MON2: variants seen among roughly 807,000 people sequenced by gnomAD.
MON2 encodes protein MON2 homolog.
MON2 carries 84 observed loss-of-function variants against 208.6 expected under a neutral mutation model. The observed-to-expected ratio is 0.40, with a 90% CI of 0.34 to 0.48. The LOEUF (loss-of-function observed/expected upper bound fraction) is 0.48, where lower values mean the gene tolerates loss of function less well. Ranked by LOEUF, MON2 falls within the 20% of genes least tolerant of loss-of-function variation. The pLI, the probability that MON2 is intolerant of heterozygous loss-of-function variation, is 0.59. For missense variants in MON2, 1,611 were observed against 2,015.4 expected, an observed-to-expected ratio of 0.80 and a Z score of 3.84; for synonymous variants, 660 against 694.0, an observed-to-expected ratio of 0.95 and a Z score of 0.77.
rs1415097237 is a variant in MON2, at chr12:62,504,217, G to A, written c.789+2519G>A. ...ACTTCATAGGAAAAGATTTGAAACCGTTTTTACAGATTTTTTTCTTTTCTT... is the reference window on the plus strand; with the variant it reads ...ACTTCATAGGAAAAGATTTGAAACCATTTTTACAGATTTTTTTCTTTTCTT... On this transcript the variant is annotated intron_variant, in intron 7 of 34. Coordinates refer to ENST00000393630, the MANE Select transcript of MON2 (RefSeq NM_015026.3). 1.2e-4 allele frequency among the ~76,000 whole-genome samples: 18 copies of A among 145,174 alleles called. No homozygotes were observed. In the Admixed American group the frequency reaches 1.2e-3, roughly 10 times the overall value.
Position 62,498,972 on chromosome 12 carries a change from T to C in MON2, c.489T>C (p.Asn163=). 1.2e-6 allele frequency: 2 copies of C among 1,612,318 alleles called. No homozygotes were observed. Among genetic ancestry groups the C allele is most frequent in the Non-Finnish European group, 8.5e-7 (1 of 1,179,286 alleles). ...LHFTKDNITN[N]TAAATVRQVV... is the part of the protein sequence containing the mutation. ...TCACAAAAGATAATATTACAAATAATACAGCTGCTGCTACAGTGCGACAAG... is the reference window on the plus strand; with the variant it reads ...TCACAAAAGATAATATTACAAATAACACAGCTGCTGCTACAGTGCGACAAG... Residue 163 remains asparagine, a synonymous_variant, in exon 5 of 35, where the codon AAT becomes AAC. Transcript: ENST00000393630.
At chr12:62,472,649 C>T (rs1056030752) in intron 1 of MON2, among the ~76,000 whole-genome samples, 1 of 152,178 alleles carries the variant, frequency 6.6e-6, no homozygotes, top group Non-Finnish European at 1.5e-5. Flanking sequence ...CTTACTGTGA[C>T]AGGATTTGCC....
intron 32 of MON2, among the ~76,000 whole-genome samples, chr12:62,583,928 C>A (rs2075097394): frequency 6.8e-6 from 1 of 148,146 alleles, no homozygotes; most frequent in Non-Finnish European, 1.5e-5. Flanking sequence ...CCACTGCACT[C>A]CAGCCTGGGT....
At chr12:62,559,859 G>A (rs1449266234) in intron 25 of MON2, 1 of 151,876 alleles carries the variant, frequency 6.6e-6, no homozygotes, top group African/African-American at 2.4e-5. Flanking sequence ...TTATGAATGT[G>A]ACATAGTTTA....
At chr12:62,496,436 G>T (rs75268834) in intron 4 of MON2, among the ~76,000 whole-genome samples, 14 of 151,938 alleles carry the variant, frequency 9.2e-5, no homozygotes, top group Non-Finnish European at 1.6e-4. Flanking sequence ...TAATATGAAG[G>T]CTTCTATATA....
intron 8 of MON2, among the ~76,000 whole-genome samples, chr12:62,513,537 TTTCTA>T (rs2071524093): frequency 6.6e-6 from 1 of 152,218 alleles, no homozygotes; most frequent in South Asian, 2.1e-4. Flanking sequence ...GGGATTTTCT[TTTCTA>T]TTGCATTGTC....
intron 2 of MON2, among the ~76,000 whole-genome samples, chr12:62,485,499 C>T (rs902460711): frequency 2.6e-5 from 4 of 152,174 alleles, no homozygotes; most frequent in East Asian, 3.9e-4. Flanking sequence ...TTAGCATAAG[C>T]GCTCCTCAAT....
intron 1 of MON2, among the ~76,000 whole-genome samples, chr12:62,474,672 C>T (rs2068974050): frequency 6.6e-6 from 1 of 152,196 alleles, no homozygotes; most frequent in Non-Finnish European, 1.5e-5. Flanking sequence ...TATCTGCCCG[C>T]CTCGGCCTCT....
rs749539567 is a variant in MON2 at position 62,588,093 on chromosome 12, A to G, written c.4927A>G (p.Ile1643Val). The G allele has an allele frequency of 6.4e-7, 1 of 1,574,540 alleles. No individual in the cohort carries two copies. The highest frequency in any genetic ancestry group is 8.7e-7 in the Non-Finnish European group (1 of 1,146,380). ...PLPRQQVTEI[I>V]FVLKAVSTLI... ...TTTCAGGCAACAAGTAACAGAAATT[A>G]TATTTGTTTTAAAAGCAGTCAGTAC... The change falls in exon 34 of 35, where the codon ATA (isoleucine) becomes GTA (valine). Residue 1643 changes from isoleucine (I) to valine (V), a missense_variant. Physicochemically the swap from Ile to Val is conservative, Grantham distance 29. Coordinates refer to ENST00000393630, the MANE Select transcript of MON2 (RefSeq NM_015026.3).
rs536263747 is a variant in MON2, at chr12:62,594,362, G to T, written c.*1613G>T. On this transcript the variant is annotated 3_prime_UTR_variant, in exon 35 of 35. Coordinates refer to ENST00000393630, the MANE Select transcript of MON2 (RefSeq NM_015026.3). ...TAAAATGTAGTAAGGTCTTTGAGGGGATATTTTTTATTTACATGAATTACT... is the reference window on the plus strand; with the variant it reads ...TAAAATGTAGTAAGGTCTTTGAGGGTATATTTTTTATTTACATGAATTACT... The T allele has an allele frequency of 3.3e-5, 5 of 152,122 alleles. No individual in the cohort carries two copies. The East Asian group carries it at 9.6e-4, about 29-fold the overall frequency. The allele number at this position is 152,122 out of a possible 1,614,324, so 9.4% of individuals were successfully genotyped here. A position where few individuals can be genotyped will look rare whatever the true frequency, so the allele number is the denominator to read the frequency against.
At chr12:62,587,413 G>C in intron 33 of MON2, among the ~76,000 whole-genome samples, 1 of 151,742 alleles carries the variant, frequency 6.6e-6, no homozygotes, top group South Asian at 2.1e-4. Context: ...AGTTTTAAAA[G>C]CATGTATTAT....
At chr12:62,508,604 A>G (rs1361540553) in intron 8 of MON2, 124 bp downstream of exon 8, 2 of 747,084 alleles carry the variant, frequency 2.7e-6, no homozygotes, top group African/African-American at 1.7e-5. Flanking sequence ...TTGAGTACCT[A>G]CGTGTAGTCT....
chr12:62,476,954 G>A (rs1455668217), intron 1 of MON2, among the ~76,000 whole-genome samples: 1 of 152,032 alleles, frequency 6.6e-6, no homozygotes, highest in Non-Finnish European at 1.5e-5. Context: ...ATAGGAATTC[G>A]AGACTAGCCT....
chr12:62,582,882 C>G (rs1004903783), intron 32 of MON2, among the ~76,000 whole-genome samples: 5 of 152,052 alleles, frequency 3.3e-5, no homozygotes, highest in Admixed American at 1.3e-4. Flanking sequence ...AGGAAATTCT[C>G]TAACACCAAA....
intron 26 of MON2, among the ~76,000 whole-genome samples, chr12:62,562,253 C>CA (rs973516586): frequency 2.4e-4 from 37 of 151,290 alleles, no homozygotes; most frequent in African/African-American, 9.0e-4. Flanking sequence ...TACTCTGATT[C>CA]AGATCTTTGA....
At chr12:62,591,792 T>C (rs2075405382) in intron 34 of MON2, among the ~76,000 whole-genome samples, 1 of 152,070 alleles carries the variant, frequency 6.6e-6, no homozygotes, top group Non-Finnish European at 1.5e-5. Context: ...GAATCAAAGC[T>C]CTCTACACAT....
intron 21 of MON2, 141 bp from the exon 22 acceptor site, chr12:62,546,756 C>A (rs1215912177): frequency 3.1e-6 from 2 of 644,832 alleles, no homozygotes; most frequent in African/African-American, 1.9e-5. Flanking sequence ...GACTCCATTT[C>A]AAAAAAAATA....
Position 62,525,206 on chromosome 12 carries a change from C to A in MON2, c.1232C>A (p.Thr411Lys). 1 of 1,613,244 alleles carries A rather than the reference C, an allele frequency of 6.2e-7. No individual in the cohort carries two copies. ...GTCCCCCCTACTGGAAATCCTGCAACAAGCAACCAAGCTGGTAAAAACATA... is the reference window on the plus strand; with the variant it reads ...GTCCCCCCTACTGGAAATCCTGCAAAAAGCAACCAAGCTGGTAAAAACATA... ...FLVPPTGNPA[T>K]SNQAGNNNLG... Residue 411 changes from threonine (T) to lysine (K), a missense_variant, in exon 10 of 35, where the codon ACA becomes AAA. Coordinates refer to ENST00000393630, the MANE Select transcript of MON2 (RefSeq NM_015026.3).
intron 8 of MON2, among the ~76,000 whole-genome samples, chr12:62,518,081 T>C (rs1490439552): frequency 6.6e-6 from 1 of 152,168 alleles, no homozygotes; most frequent in Non-Finnish European, 1.5e-5. Flanking sequence ...TACTTCCTGG[T>C]TTGCAGATGT....
Sources: gnomAD v4.1 joint callset for allele counts (sites outside exome capture counted in the v4.1 genomes callset) on GRCh38, gnomAD v4.1.1 for gene constraint, MANE v1.5 for transcripts, NCBI Gene and HGNC (gene_info 2026-07-23, HGNC 2026-07-21) for gene names.